Variants in BARX2 observed in about 807,000 individuals in gnomAD.
BARX2 encodes the protein BARX homeobox 2.
BARX2 carries 11 observed loss-of-function variants against 25.5 expected under a neutral mutation model. The ratio of observed to expected loss-of-function variants is 0.43; its 90% CI spans 0.27 to 0.71. The LOEUF is 0.71. BARX2 is among the 30% of genes least tolerant of loss of function. The pLI is 0.19. For synonymous variants in BARX2, 137 were observed against 149.5 expected (o/e 0.92, Z 0.61); for missense variants, 360 against 359.9 (o/e 1.00, Z 0.00).
chr11:129,380,697 G>C lies in BARX2; in HGVS notation c.187+4475G>C, dbSNP rs572681013. Among the ~76,000 whole-genome samples the C allele has an allele frequency of 2.0e-5, 3 of 152,258 alleles. No homozygotes were observed. In the South Asian group the frequency reaches 6.2e-4, roughly 32 times the overall value. The stretch of plus-strand genomic sequence containing the variant: ...AGGGTAAATAAATAGAGGGATGCAC[G>C]GGATCTGGGACTCATCCAGGGTCAG... On this transcript the variant is annotated intron_variant, in intron 1 of 3. Transcript: ENST00000281437.
In BARX2 at chr11:129,390,445, T is replaced by C. The variant is rs1201885185; in HGVS notation, c.187+14223T>C. 6.6e-6 allele frequency among the ~76,000 whole-genome samples: 1 copy of C among 152,148 alleles called. No homozygotes were observed. The highest frequency in any genetic ancestry group is 1.5e-5 in the Non-Finnish European group (1 of 68,022). On this transcript the variant is annotated intron_variant, in intron 1 of 3. Transcript: ENST00000281437. This position sits in a 1 kb window ranked among gnomAD's most constrained non-coding sequence, Gnocchi z 4.3. ...TGGATCGTTGGCATCTTGTTGAGAA[T>C]ATTCTATTCAGCCTGTGGATTCAGA...
chr11:129,381,246 A>C (rs1460383521), intron 1 of BARX2, among the ~76,000 whole-genome samples: 1 of 152,198 alleles, frequency 6.6e-6, no homozygotes, highest in African/African-American at 2.4e-5. Context: ...ACAAATATTT[A>C]TATTTGCTTG....
chr11:129,381,595 A>G (rs1362549984), intron 1 of BARX2, among the ~76,000 whole-genome samples: 9 of 152,186 alleles, frequency 5.9e-5, no homozygotes, highest in Admixed American at 5.9e-4. Context: ...CTGATTTCCT[A>G]CAGATATGTT....
At chr11:129,385,283 G>A (rs1861606713) in intron 1 of BARX2, among the ~76,000 whole-genome samples, 1 of 152,200 alleles carries the variant, frequency 6.6e-6, no homozygotes. Flanking sequence ...GGGCTCAGCA[G>A]TTCCACTCCT....
intron 1 of BARX2, among the ~76,000 whole-genome samples, chr11:129,396,100 T>C (rs1861717871): frequency 6.6e-6 from 1 of 152,314 alleles, no homozygotes; most frequent in South Asian, 2.1e-4. Context: ...GCTTATTTAA[T>C]GCATGACATC....
At chr11:129,382,384 G>GTAGA (rs1417262232) in intron 1 of BARX2, among the ~76,000 whole-genome samples, 2 of 152,080 alleles carry the variant, frequency 1.3e-5, no homozygotes, top group Non-Finnish European at 2.9e-5. Flanking sequence ...TCACCATGTT[G>GTAGA]GACAGGCTGG....
chr11:129,416,495 T>G (rs533420172), intron 1 of BARX2, among the ~76,000 whole-genome samples: 1 of 152,340 alleles, frequency 6.6e-6, no homozygotes, highest in East Asian at 1.9e-4. Context: ...TTGGCTATGA[T>G]GCCCAAAGAA....
intron 1 of BARX2, among the ~76,000 whole-genome samples, chr11:129,389,573 A>G (rs1050831685): frequency 6.6e-6 from 1 of 151,920 alleles, no homozygotes; most frequent in Non-Finnish European, 1.5e-5. Flanking sequence ...TTTTTTTAAC[A>G]AGAGTTTCCT....
chr11:129,411,746 G>GC (rs1409080632), intron 1 of BARX2, among the ~76,000 whole-genome samples: 2 of 152,332 alleles, frequency 1.3e-5, no homozygotes, highest in East Asian at 3.9e-4. Flanking sequence ...ACCAGGCCCG[G>GC]CCACAGGCCA....
intron 1 of BARX2, among the ~76,000 whole-genome samples, chr11:129,378,217 T>C (rs966376630): frequency 1.3e-5 from 2 of 152,196 alleles, no homozygotes; most frequent in Admixed American, 6.5e-5. Context: ...TGTGTCGTTA[T>C]TTTGCTCTAG....
chr11:129,406,667 C>T (rs1780218360), intron 1 of BARX2, among the ~76,000 whole-genome samples: 1 of 152,142 alleles, frequency 6.6e-6, no homozygotes, highest in African/African-American at 2.4e-5. Context: ...AGGAGGTGGA[C>T]CCCCCAGTCC....
chr11:129,437,500 A>G (rs1591446231), intron 2 of BARX2: 1 of 988,284 alleles, frequency 1.0e-6, no homozygotes, highest in Middle Eastern at 5.2e-4. Context: ...TGGCCTGGCT[A>G]TTGCTTGGGA....
rs546167177 is a variant in BARX2 at position 129,440,629 on chromosome 11, G to A, written c.489-2206G>A. 4.6e-5 allele frequency among the ~76,000 whole-genome samples: 7 copies of A among 152,366 alleles called. No individual in the cohort carries two copies. The East Asian group carries it at 1.3e-3, about 29-fold the overall frequency. ...CTTCTACAGGGATGACCAGAGGGAT[G>A]TGAGTACTGATTTAAGACCACTTCC... is the stretch of plus-strand genomic sequence containing the variant. On this transcript the variant is annotated intron_variant, in intron 2 of 3. Coordinates refer to ENST00000281437, the MANE Select transcript of BARX2 (RefSeq NM_003658.5).
At chr11:129,416,163 G>C (rs1861940938) in intron 1 of BARX2, among the ~76,000 whole-genome samples, 1 of 152,256 alleles carries the variant, frequency 6.6e-6, no homozygotes, top group Non-Finnish European at 1.5e-5. Flanking sequence ...CTTGTACACA[G>C]AGGAAGTCTG....
chr11:129,399,558 G>A (rs1312810174), intron 1 of BARX2, among the ~76,000 whole-genome samples: 1 of 152,094 alleles, frequency 6.6e-6, no homozygotes, highest in Non-Finnish European at 1.5e-5. Flanking sequence ...TCTTGGCTTT[G>A]CCCAGAAAAG....
chr11:129,437,275 A>T, intron 2 of BARX2: 1 of 580,998 alleles, frequency 1.7e-6, no homozygotes, highest in Non-Finnish European at 2.6e-6. Flanking sequence ...TTAACTCACC[A>T]CTTTATCTCC....
rs1862195740 is a variant in BARX2 at position 129,436,861 on chromosome 11, C to T, written c.298C>T (p.His100Tyr). Residue 100 changes from histidine (H) to tyrosine (Y), a missense_variant, in exon 2 of 4, where the codon CAC becomes TAC. Physicochemically the swap from His to Tyr is moderately conservative, Grantham distance 83. Around this residue, in one of 3 missense-constraint regions of BARX2, gnomAD observed 240 missense variants for 228.7 expected, o/e 1.05. Transcript: ENST00000281437. This position sits in a 1 kb window ranked among gnomAD's most constrained non-coding sequence, Gnocchi z 4.5. Reference protein sequence around the residue: ...TPGIAQALSCHQVTEAVSAEA... With the variant: ...TPGIAQALSCYQVTEAVSAEA... ...GGGAATCGCCCAGGCACTGTCCTGC[C>T]ACCAGGTCACCGAGGCGGTCTCTGC... The T allele has an allele frequency of 6.2e-7, 1 of 1,613,974 alleles. No individual in the cohort carries two copies. Among genetic ancestry groups the T allele is most frequent in the African/African-American group, 1.3e-5 (1 of 74,934 alleles).
At chr11:129,408,386 G>A (rs895423208) in intron 1 of BARX2, among the ~76,000 whole-genome samples, 1 of 152,062 alleles carries the variant, frequency 6.6e-6, no homozygotes, top group Non-Finnish European at 1.5e-5. Flanking sequence ...TATTGAAAAA[G>A]GAATAATAAA....
At chr11:129,397,621 C>T (rs1460157576) in intron 1 of BARX2, among the ~76,000 whole-genome samples, 4 of 152,164 alleles carry the variant, frequency 2.6e-5, no homozygotes, top group South Asian at 2.1e-4. Context: ...ACGCACCAGG[C>T]GCTATGTGAA....
Sources: allele counts gnomAD v4.1 joint callset (sites outside exome capture counted in the v4.1 genomes callset), GRCh38; gene constraint gnomAD v4.1.1; regional missense constraint gnomAD v4.1.1; non-coding constraint Gnocchi (gnomAD v3.1); transcripts MANE v1.5; gene names NCBI Gene and HGNC (gene_info 2026-07-23, HGNC 2026-07-21).